SLFN14: variants seen among roughly 807,000 people sequenced by gnomAD.
SLFN14 encodes the protein protein SLFN14.
SLFN14 carries 47 observed loss-of-function variants against 58.6 expected under a neutral mutation model. The ratio of observed to expected loss-of-function variants is 0.80; its 90% CI spans 0.64 to 1.02. The LOEUF is 1.02. SLFN14 is among the 50% of genes least tolerant of loss of function. SLFN14 has a pLI of 0.00. For missense variants in SLFN14, 967 were observed against 1,078.4 expected (o/e 0.90, Z 1.45); for synonymous variants, 390 against 387.3 (o/e 1.01, Z -0.08).
rs2072519508 is a variant in SLFN14 at position 35,544,325 on chromosome 17, T to C, written c.*3914A>G. Among the ~76,000 whole-genome samples, 1 of 152,050 alleles carries C rather than the reference T, an allele frequency of 6.6e-6. No individual in the cohort carries two copies. Among genetic ancestry groups the C allele is most frequent in the Non-Finnish European group, 1.5e-5 (1 of 68,012 alleles). Reference sequence around the variant, plus strand: ...TACAAAGGGTATAGATATAGAGAGGTAGGAAATATTGGGAACAATAATGTA... The same window carrying C: ...TACAAAGGGTATAGATATAGAGAGGCAGGAAATATTGGGAACAATAATGTA... On this transcript the variant is annotated 3_prime_UTR_variant, in exon 6 of 6. Transcript: ENST00000674182.
At position 35,553,072 on chromosome 17, in the gene SLFN14, C is replaced by T. The variant is rs948556725; in HGVS notation, c.1562G>A (p.Arg521Lys). ...GTAACGCAGGGGGATCTCACCAGGTCTACTCTGTGTGCTGCTCAGGTGTAT... is the reference window on the plus strand; with the variant it reads ...GTAACGCAGGGGGATCTCACCAGGTTTACTCTGTGTGCTGCTCAGGTGTAT... The part of the protein sequence containing the change: ...RLIHLSSTQS[R>K]PGEIPLRYPR... The change falls in exon 5 of 6, where the codon AGA (arginine) becomes AAA (lysine). Residue 521 changes from arginine to lysine, a missense_variant. Physicochemically the swap from Arg to Lys is conservative, Grantham distance 26. Transcript: ENST00000674182. The T allele has an allele frequency of 1.3e-6, 2 of 1,551,534 alleles. No homozygotes were observed. Among genetic ancestry groups the T allele is most frequent in the African/African-American group, 2.7e-5 (2 of 73,024 alleles).
rs2072547330 is a variant in SLFN14, at chr17:35,547,983, T to C, written c.*256A>G. The C allele has an allele frequency of 2.0e-6, 1 of 492,588 alleles. No homozygotes were observed. The highest frequency in any genetic ancestry group is 1.9e-5 in the African/African-American group (1 of 52,130). The allele number at this position is 492,588 out of a possible 1,614,324, so 30.5% of individuals were successfully genotyped here. A position where few individuals can be genotyped will look rare whatever the true frequency, so the allele number is the denominator to read the frequency against. On this transcript the variant is annotated 3_prime_UTR_variant, in exon 6 of 6. Coordinates refer to ENST00000674182, the MANE Select transcript of SLFN14 (RefSeq NM_001129820.2). ...AATTCTCTGATGGATGACAGCTGGA[T>C]TGAGTGGGAAAGCTGGAGACAGGGG...
In SLFN14 at chr17:35,553,370, C is replaced by T; in HGVS notation, c.1264G>A (p.Gly422Ser). Residue 422 changes from glycine to serine, a missense_variant, in exon 5 of 6, where the codon GGT (glycine) becomes AGT (serine). By Grantham distance (56) the Gly-to-Ser change is moderately conservative (BLOSUM62 0). Transcript: ENST00000674182. ...GGATGTATCAGGGTCTTCATTAAACCCTCCAGTTCTTTATGATCTGAGAAC... is the reference window on the plus strand; with the variant it reads ...GGATGTATCAGGGTCTTCATTAAACTCTCCAGTTCTTTATGATCTGAGAAC... The part of the protein sequence containing the change: ...KLFSDHKELE[G>S]LMKTLIHPCS... 6.4e-7 allele frequency: 1 copy of T among 1,551,594 alleles called. No homozygotes were observed. The highest frequency in any genetic ancestry group is 8.7e-7 in the Non-Finnish European group (1 of 1,146,970).
intron 4 of SLFN14, 33 bp from the exon 5 acceptor site, chr17:35,553,477 T>G (rs1192756160): frequency 1.4e-6 from 2 of 1,463,292 alleles, no homozygotes; most frequent in Non-Finnish European, 1.8e-6. Context: ...TTACCAAAAC[T>G]TACAAAAGCA....
chr17:35,554,044 C>T lies in SLFN14; in HGVS notation c.1189+532G>A, dbSNP rs1682475732. On this transcript the variant is annotated intron_variant, in intron 4 of 5. Coordinates refer to ENST00000674182, the MANE Select transcript of SLFN14 (RefSeq NM_001129820.2). ...TACAATTCACAGGGCTCTCCCTCCC[C>T]CAGCAAAGAGTTATCTGACTCAAAT... Among the ~76,000 whole-genome samples, 3 of 152,022 alleles carry T rather than the reference C, an allele frequency of 2.0e-5. No individual in the cohort carries two copies. The South Asian group carries it at 6.2e-4, about 31-fold the overall frequency.
Position 35,553,430 on chromosome 17 carries a change from C to G in SLFN14, c.1204G>C (p.Val402Leu). 3 of 1,544,360 alleles carry G rather than the reference C, an allele frequency of 1.9e-6. No individual in the cohort carries two copies. In the South Asian group the frequency reaches 3.6e-5, roughly 19 times the overall value. Residue 402 changes from valine (V) to leucine (L), a missense_variant, in exon 5 of 6, where the codon GTA (valine) becomes CTA (leucine). Val to Leu is a conservative substitution (Grantham distance 32). Coordinates refer to ENST00000674182, the MANE Select transcript of SLFN14 (RefSeq NM_001129820.2). ...RHLFPVTQEE[V>L]QFKPESLCKK... The stretch of plus-strand genomic sequence containing the variant: ...CAGAGGGATTCTGGTTTAAATTGTA[C>G]CTCTTCCTGTGTCACTGAAAATTCA...
In SLFN14 at chr17:35,545,675, T is replaced by A. The variant is rs11080355; in HGVS notation, c.*2564A>T. ...ATGCCCAACTAAGTTTTTAAAAAAATTTTTTTTGTAGAGATGGGGTCTTGT... is the reference window on the plus strand; with the variant it reads ...ATGCCCAACTAAGTTTTTAAAAAAAATTTTTTTGTAGAGATGGGGTCTTGT... On this transcript the variant is annotated 3_prime_UTR_variant, in exon 6 of 6. Transcript: ENST00000674182. 0.26 allele frequency among the ~76,000 whole-genome samples: 39,886 copies of A among 151,546 alleles called. 5,440 individuals are homozygous for A. Among genetic ancestry groups the A allele is most frequent in the Middle Eastern group, 0.43 (125 of 294 alleles).
Position 35,544,404 on chromosome 17 carries a change from T to C in SLFN14, c.*3835A>G, listed in dbSNP as rs1420080401. ...AAATGGAAAAAGCACACATATACGT[T>C]ATAAAGTTGATGGCACAACTTGATC... On this transcript the variant is annotated 3_prime_UTR_variant, in exon 6 of 6. Transcript: ENST00000674182. Among the ~76,000 whole-genome samples the C allele has an allele frequency of 2.0e-5, 3 of 152,194 alleles. No homozygotes were observed. The highest frequency in any genetic ancestry group is 7.2e-5 in the African/African-American group (3 of 41,440).
chr17:35,547,942 T>C lies in SLFN14; in HGVS notation c.*297A>G, dbSNP rs1281813079. ...TAGCAAGGTATTACATAAAATCAGT[T>C]CTCTATTTGAGGAAAAATTCTCTGA... On this transcript the variant is annotated 3_prime_UTR_variant, in exon 6 of 6. Coordinates refer to ENST00000674182, the MANE Select transcript of SLFN14 (RefSeq NM_001129820.2). Among the ~76,000 whole-genome samples the C allele has an allele frequency of 6.6e-6, 1 of 152,184 alleles. No individual in the cohort carries two copies. Among genetic ancestry groups the C allele is most frequent in the Admixed American group, 6.5e-5 (1 of 15,274 alleles).
At chr17:35,556,064 G>T (rs1170401733) in intron 3 of SLFN14, among the ~76,000 whole-genome samples, 1 of 151,842 alleles carries the variant, frequency 6.6e-6, no homozygotes, top group African/African-American at 2.4e-5. Context: ...TTGAGACGGG[G>T]TCTCGCTCTG....
At chr17:35,553,672 G>A (rs140436536) in intron 4 of SLFN14, among the ~76,000 whole-genome samples, 10,646 of 151,984 alleles carry the variant, frequency 0.07, 651 homozygotes, top group African/African-American at 0.16. Flanking sequence ...ACGGAGTCTC[G>A]CTGTCACCCA....
rs2072613441 is a variant in SLFN14 at position 35,553,187 on chromosome 17, C to A, written c.1447G>T (p.Glu483Ter). Residue 483 changes from glutamate (E) to a stop codon, truncating the protein, a stop_gained, in exon 5 of 6, where the codon GAA becomes TAA. Transcript: ENST00000674182. LOFTEE classifies it high-confidence loss of function. Reference sequence around the variant, plus strand: ...TGATGAGCTGTGTTTCGGGCATATTCAAGTCCTCCAGGCCAATTGGGGTCT... The same window carrying A: ...TGATGAGCTGTGTTTCGGGCATATTAAAGTCCTCCAGGCCAATTGGGGTCT... The part of the protein sequence containing the change: ...LIDPNWPGGL[E>*]YARNTAHQLK... 1 of 1,551,666 alleles carries A rather than the reference C, an allele frequency of 6.4e-7. No homozygotes were observed. Among genetic ancestry groups the A allele is most frequent in the Non-Finnish European group, 8.7e-7 (1 of 1,146,976 alleles).
chr17:35,552,476 G>A (rs976229191), intron 5 of SLFN14, among the ~76,000 whole-genome samples: 4 of 152,048 alleles, frequency 2.6e-5, no homozygotes, highest in African/African-American at 7.2e-5. Context: ...GAGCACAGCA[G>A]GAGGGACAAT....
rs1435872532 is a variant in SLFN14, at chr17:35,546,577, A to G, written c.*1662T>C. Among the ~76,000 whole-genome samples, 2 of 152,256 alleles carry G rather than the reference A, an allele frequency of 1.3e-5. No individual in the cohort carries two copies. The highest frequency in any genetic ancestry group is 4.8e-5 in the African/African-American group (2 of 41,470). Reference sequence around the variant, plus strand: ...TATCCTAAACTTTTCTAGAAGTTAAAAACAGTTTGGAAATATGAATACTTC... The same window carrying G: ...TATCCTAAACTTTTCTAGAAGTTAAGAACAGTTTGGAAATATGAATACTTC... On this transcript the variant is annotated 3_prime_UTR_variant, in exon 6 of 6. Coordinates refer to ENST00000674182, the MANE Select transcript of SLFN14 (RefSeq NM_001129820.2).
chr17:35,548,923 C>T lies in SLFN14; in HGVS notation c.2055G>A (p.Lys685=). ...GGTTTTCACTTCCAGTCCCCTTCGC[C>T]TTTGGATGGGTGATGTTCTTAGCCT... ...YMKAKNITHP[K]AKGTGSENLH... Residue 685 remains lysine (K), a synonymous_variant, in exon 6 of 6, where the codon AAG becomes AAA. Transcript: ENST00000674182. The T allele has an allele frequency of 6.4e-7, 1 of 1,551,714 alleles. No individual in the cohort carries two copies. The highest frequency in any genetic ancestry group is 1.2e-5 in the South Asian group (1 of 84,070).
chr17:35,553,557 C>T lies in SLFN14; in HGVS notation c.1190-113G>A, dbSNP rs1478637009. 4 of 853,860 alleles carry T rather than the reference C, an allele frequency of 4.7e-6. No homozygotes were observed. In the African/African-American group the frequency reaches 6.9e-5, roughly 15 times the overall value. The allele number at this position is 853,860 out of a possible 1,614,324, so 52.9% of individuals were successfully genotyped here. ...GTGCATTTGGGAAAATAAGAGCTTT[C>T]CTTTAGAATTGTGATTCTTAATCAG... On this transcript the variant is annotated intron_variant, in intron 4 of 5. Coordinates refer to ENST00000674182, the MANE Select transcript of SLFN14 (RefSeq NM_001129820.2).
rs2072558823 is a variant in SLFN14, at chr17:35,548,893, G to T, written c.2085C>A (p.His695Gln). The T allele has an allele frequency of 6.4e-7, 1 of 1,551,586 alleles. No homozygotes were observed. The highest frequency in any genetic ancestry group is 1.4e-5 in the African/African-American group (1 of 73,048). ...CAAGAAAAAGCCAGAGAATCCCATG[G>T]TGAAGGTTTTCACTTCCAGTCCCCT... is the stretch of plus-strand genomic sequence containing the variant. Reference protein sequence around the residue: ...KAKGTGSENLHHGILWLFLDP... With the variant: ...KAKGTGSENLQHGILWLFLDP... The change falls in exon 6 of 6, where the codon CAC (histidine) becomes CAA (glutamine). Residue 695 changes from histidine to glutamine, a missense_variant. By Grantham distance (24) the His-to-Gln change is conservative (BLOSUM62 0). Coordinates refer to ENST00000674182, the MANE Select transcript of SLFN14 (RefSeq NM_001129820.2).
In SLFN14 at chr17:35,557,502, G is replaced by C. The variant is rs1206233073; in HGVS notation, c.561C>G (p.Ala187=). ...IQEEEDMRIL[A]SEFFKKDKLM... Reference sequence around the variant, plus strand: ...GTTTGTCCTTTTTAAAAAATTCTGAGGCCAATATCCTCATATCTTCCTCTT... The same window carrying C: ...GTTTGTCCTTTTTAAAAAATTCTGACGCCAATATCCTCATATCTTCCTCTT... The change falls in exon 3 of 6, where the codon GCC becomes GCG. Residue 187 remains alanine, a synonymous_variant. Coordinates refer to ENST00000674182, the MANE Select transcript of SLFN14 (RefSeq NM_001129820.2). 1.3e-6 allele frequency: 2 copies of C among 1,551,620 alleles called. No homozygotes were observed. Among genetic ancestry groups the C allele is most frequent in the Non-Finnish European group, 1.7e-6 (2 of 1,146,994 alleles).
chr17:35,557,683 C>G lies in SLFN14; in HGVS notation c.380G>C (p.Arg127Pro), dbSNP rs899211648. 1.3e-6 allele frequency: 2 copies of G among 1,551,686 alleles called. No individual in the cohort carries two copies. Among genetic ancestry groups the G allele is most frequent in the South Asian group, 1.2e-5 (1 of 84,062 alleles). ...CACATCTCTCCGATACAAATTGGAGCGCAAGCTGCAAATCCTTAGTGGAAG... is the reference window on the plus strand; with the variant it reads ...CACATCTCTCCGATACAAATTGGAGGGCAAGCTGCAAATCCTTAGTGGAAG... Reference protein sequence around the residue: ...FSLPLRICSLRSNLYRRDVTS... With the variant: ...FSLPLRICSLPSNLYRRDVTS... The change falls in exon 3 of 6, where the codon CGC (arginine) becomes CCC (proline). Residue 127 changes from arginine (R) to proline (P), a missense_variant. Arg to Pro is a moderately radical substitution (Grantham distance 103). Transcript: ENST00000674182.
Sources: allele counts gnomAD v4.1 joint callset (sites outside exome capture counted in the v4.1 genomes callset), GRCh38; gene constraint gnomAD v4.1.1; transcripts MANE v1.5; gene names NCBI Gene and HGNC (gene_info 2026-07-23, HGNC 2026-07-21).